VPS37D: variants seen among roughly 807,000 people sequenced by gnomAD.
The protein encoded by VPS37D is vacuolar protein sorting-associated protein 37D.
VPS37D carries 5 observed loss-of-function variants against 22.0 expected under a neutral mutation model. That is an observed-to-expected ratio of 0.23 (90% CI 0.12 to 0.48). The LOEUF is 0.48. VPS37D is among the 20% of genes least tolerant of loss of function. The probability of loss-of-function intolerance (pLI) is 0.99; values close to 1 mark genes in which losing one functional copy is unlikely to be tolerated. For missense variants in VPS37D, 384 were observed against 345.8 expected (o/e 1.11, Z -0.88); for synonymous variants, 174 against 159.3 (o/e 1.09, Z -0.69).
Position 73,670,120 on chromosome 7 carries a change from T to C in VPS37D, c.393+18T>C. ...AGGCAGAGGTGAGGGGAGGGGTGGC[T>C]GGGGCTGGGGGCCAGGAGGGAGACC... On this transcript the variant is annotated intron_variant, in intron 3 of 3. Coordinates refer to ENST00000324941, the MANE Select transcript of VPS37D (RefSeq NM_001077621.2). The C allele has an allele frequency of 7.7e-7, 1 of 1,297,782 alleles. No homozygotes were observed. Among genetic ancestry groups the C allele is most frequent in the Admixed American group, 2.2e-5 (1 of 46,242 alleles). The allele number at this position is 1,297,782 out of a possible 1,614,324, so 80.4% of individuals were successfully genotyped here.
At chr7:73,667,474 G>A (rs1325696349), upstream of VPS37D, among the ~76,000 whole-genome samples, 1 of 151,994 alleles carries the variant, frequency 6.6e-6, no homozygotes, top group African/African-American at 2.4e-5. Flanking sequence ...TTACAGAAGA[G>A]AAAACTGAGG....
rs1563541019 is a variant in VPS37D at position 73,671,516 on chromosome 7, T to G, written c.*140T>G. On this transcript the variant is annotated 3_prime_UTR_variant, in exon 4 of 4. Coordinates refer to ENST00000324941, the MANE Select transcript of VPS37D (RefSeq NM_001077621.2). The stretch of plus-strand genomic sequence containing the variant: ...CAGGCCCTGGCCCTGGAGGCTGAGC[T>G]GGGGAGGAGGGTCCCCTGGAAGAGG... 9.9e-6 allele frequency: 1 copy of G among 100,974 alleles called. No individual in the cohort carries two copies. Among genetic ancestry groups the G allele is most frequent in the South Asian group, 2.0e-4 (1 of 5,114 alleles). The allele number at this position is 100,974 out of a possible 1,614,324, so 6.3% of individuals were successfully genotyped here.
chr7:73,671,262 G>A lies in VPS37D; in HGVS notation c.642G>A (p.Leu214=). The A allele has an allele frequency of 6.7e-7, 1 of 1,495,492 alleles. No homozygotes were observed. The allele number at this position is 1,495,492 out of a possible 1,614,324, so 92.6% of individuals were successfully genotyped here. ...GGCCACCAGCAGTGCCCCGGAGCCTGCCCCCCTTGGACTCCCGCCCAGTGC... is the reference window on the plus strand; with the variant it reads ...GGCCACCAGCAGTGCCCCGGAGCCTACCCCCCTTGGACTCCCGCCCAGTGC... The part of the protein sequence containing the change: ...ARGPPAVPRS[L]PPLDSRPVPP... The change falls in exon 4 of 4, where the codon CTG becomes CTA. Residue 214 remains leucine, a synonymous_variant. Coordinates refer to ENST00000324941, the MANE Select transcript of VPS37D (RefSeq NM_001077621.2).
intron 1 of VPS37D, 55 bp from the exon 2 acceptor site, chr7:73,669,364 A>C: frequency 6.7e-7 from 1 of 1,490,940 alleles, no homozygotes; most frequent in Non-Finnish European, 9.0e-7. Flanking sequence ...ACGGGGCAGT[A>C]GGGTGGACAG....
rs1436120290 is a variant in VPS37D at position 73,667,935 on chromosome 7, G to T, written c.-24G>T. On this transcript the variant is annotated 5_prime_UTR_variant, in exon 1 of 4. Coordinates refer to ENST00000324941, the MANE Select transcript of VPS37D (RefSeq NM_001077621.2). ...GGCCGAGCGGGCCGAGCCAGCAGCC[G>T]AGCTGGGGGCGCGGGCGGGCGGCAT... 1.0e-5 allele frequency: 10 copies of T among 968,810 alleles called. No homozygotes were observed. The South Asian group carries it at 2.8e-4, about 27-fold the overall frequency. The allele number at this position is 968,810 out of a possible 1,614,324, so 60.0% of individuals were successfully genotyped here.
upstream of VPS37D, among the ~76,000 whole-genome samples, chr7:73,666,270 C>T (rs1797369890): frequency 6.6e-6 from 1 of 152,162 alleles, no homozygotes; most frequent in African/African-American, 2.4e-5. Context: ...TCCATGAACT[C>T]CCTGAGGGCA....
intron 2 of VPS37D, 107 bp downstream of exon 2, chr7:73,669,697 C>T: frequency 7.5e-7 from 1 of 1,334,310 alleles, no homozygotes; most frequent in South Asian, 1.4e-5. Context: ...GTTGGGCGGA[C>T]CTGCTCCTGG....
chr7:73,668,412 C>T (rs1300300584), intron 1 of VPS37D, among the ~76,000 whole-genome samples: 1 of 151,660 alleles, frequency 6.6e-6, no homozygotes, highest in Non-Finnish European at 1.5e-5. Flanking sequence ...CTCGCACACC[C>T]ACGTTCTGTA....
chr7:73,668,117 G>T (rs1455080189), intron 1 of VPS37D, 21 bp downstream of exon 1: 2 of 1,075,928 alleles, frequency 1.9e-6, no homozygotes, highest in Non-Finnish European at 2.3e-6. Context: ...GGGCTCGAGC[G>T]GGGGGCGCGG....
chr7:73,670,788 C>T (rs1258642177), intron 3 of VPS37D, among the ~76,000 whole-genome samples: 1 of 150,986 alleles, frequency 6.6e-6, no homozygotes, highest in African/African-American at 2.4e-5. Context: ...CCAGCCTGGA[C>T]CACAGTGAGA....
chr7:73,670,429 C>T (rs559939963), intron 3 of VPS37D, among the ~76,000 whole-genome samples: 3 of 152,294 alleles, frequency 2.0e-5, no homozygotes, highest in African/African-American at 7.2e-5. Context: ...TCCCGAAGGA[C>T]ATGTTAAGTC....
intron 1 of VPS37D, among the ~76,000 whole-genome samples, chr7:73,668,540 T>C (rs1396735651): frequency 2.6e-5 from 4 of 151,148 alleles, no homozygotes; most frequent in Admixed American, 2.6e-4. Flanking sequence ...GTGCCTGGCG[T>C]TGGGGAGGGG....
chr7:73,665,789 G>A (rs1397910762), upstream of VPS37D, among the ~76,000 whole-genome samples: 2 of 152,120 alleles, frequency 1.3e-5, no homozygotes, highest in African/African-American at 4.8e-5. Flanking sequence ...ACCTCCTCTG[G>A]TAAGCCTTCC....
In VPS37D at chr7:73,667,871, C is replaced by CCGGAG. The variant is rs879987947; in HGVS notation, c.-66_-62dup. 2.5e-4 allele frequency: 94 copies of CCGGAG among 372,882 alleles called. No homozygotes were observed. Among genetic ancestry groups the CCGGAG allele is most frequent in the African/African-American group, 9.7e-4 (43 of 44,476 alleles). The allele number at this position is 372,882 out of a possible 1,614,324, so 23.1% of individuals were successfully genotyped here. On this transcript the variant is annotated 5_prime_UTR_variant, in exon 1 of 4. Coordinates refer to ENST00000324941, the MANE Select transcript of VPS37D (RefSeq NM_001077621.2). ...GCCGGAGCCGGAGCGGATCCTGGAG[C>CCGGAG]CGGAGCGGAGCGGAGCGGAGCGGAG...
intron 3 of VPS37D, 39 bp from the exon 4 acceptor site, chr7:73,670,975 T>C: frequency 6.3e-7 from 1 of 1,599,828 alleles, no homozygotes; most frequent in Non-Finnish European, 8.5e-7. Context: ...CAGTCTGTGG[T>C]CGTGCCTCTC....
At chr7:73,670,893 C>A (rs1220504178) in intron 3 of VPS37D, 121 bp from the exon 4 acceptor site, 21 of 1,394,118 alleles carry the variant, frequency 1.5e-5, no homozygotes, top group African/African-American at 4.4e-5. Flanking sequence ...GAACGCAGGT[C>A]CCCTGTCCCC....
rs1173068228 is a variant in VPS37D, at chr7:73,671,431, C to T, written c.*55C>T. The T allele has an allele frequency of 3.8e-6, 4 of 1,048,934 alleles. No individual in the cohort carries two copies. Among genetic ancestry groups the T allele is most frequent in the Non-Finnish European group, 3.8e-6 (3 of 793,894 alleles). The allele number at this position is 1,048,934 out of a possible 1,614,324, so 65.0% of individuals were successfully genotyped here. A position where few individuals can be genotyped will look rare whatever the true frequency, so the allele number is the denominator to read the frequency against. On this transcript the variant is annotated 3_prime_UTR_variant, in exon 4 of 4. Coordinates refer to ENST00000324941, the MANE Select transcript of VPS37D (RefSeq NM_001077621.2). Reference sequence around the variant, plus strand: ...GCCTAGACAAACTTGATGCGTGGCTCCTCCTCCTCCCCCACTGCCTGGGTG... The same window carrying T: ...GCCTAGACAAACTTGATGCGTGGCTTCTCCTCCTCCCCCACTGCCTGGGTG...
chr7:73,668,303 G>A (rs1289646298), intron 1 of VPS37D, among the ~76,000 whole-genome samples: 1 of 151,884 alleles, frequency 6.6e-6, no homozygotes, highest in African/African-American at 2.4e-5. Context: ...GGGACCCGAG[G>A]GGGGCGCCTG....
Position 73,669,434 on chromosome 7 carries a change from C to G in VPS37D, c.154C>G (p.Leu52Val), listed in dbSNP as rs782751013. Reference protein sequence around the residue: ...RLSRKFQGLQLEREACLASNY... With the variant: ...RLSRKFQGLQVEREACLASNY... ...CTGCCCGCAGTTCCAGGGCCTGCAG[C>G]TGGAGCGTGAGGCCTGCCTGGCCTC... is the stretch of plus-strand genomic sequence containing the variant. Residue 52 changes from leucine to valine, a missense_variant, in exon 2 of 4, where the codon CTG becomes GTG. Transcript: ENST00000324941. The G allele has an allele frequency of 6.4e-7, 1 of 1,564,892 alleles. No individual in the cohort carries two copies. The highest frequency in any genetic ancestry group is 1.2e-5 in the South Asian group (1 of 85,358).
Sources: allele counts gnomAD v4.1 joint callset (sites outside exome capture counted in the v4.1 genomes callset), GRCh38; gene constraint gnomAD v4.1.1; transcripts MANE v1.5; gene names NCBI Gene and HGNC (gene_info 2026-07-23, HGNC 2026-07-21).